The following ABLIM1 variants were observed in gnomAD, a reference collection of about 807,000 sequenced individuals.
ABLIM1 encodes the protein actin binding LIM protein 1.
ABLIM1 carries 40 observed loss-of-function variants against 107.0 expected under a neutral mutation model. The ratio of observed to expected loss-of-function variants is 0.37; its 90% confidence interval spans 0.29 to 0.49. The LOEUF is 0.49. ABLIM1 is among the 20% of genes least tolerant of loss of function. The pLI, the probability that ABLIM1 is intolerant of heterozygous loss-of-function variation, is 0.97. For synonymous variants in ABLIM1, 357 were observed against 357.3 expected (o/e 1.00, Z 0.01); for missense variants, 857 against 1,008.5 (o/e 0.85, Z 2.04).
chr10:114,644,306 A>ATATATATAT (rs1555214864), intron 1 of ABLIM1, among the ~76,000 whole-genome samples: 14 of 52,248 alleles, frequency 2.7e-4, no homozygotes, highest in South Asian at 9.7e-4. Flanking sequence ...AAAAAAAAAA[A>ATATATATAT]ATATATATAT....
chr10:114,661,265 A>G (rs1003669052), upstream of ABLIM1, among the ~76,000 whole-genome samples: 1 of 152,216 alleles, frequency 6.6e-6, no homozygotes, highest in African/African-American at 2.4e-5. Flanking sequence ...ACCGAACTAC[A>G]TATAAATGTG....
At chr10:114,548,603 A>G (rs75618074) in intron 4 of ABLIM1, among the ~76,000 whole-genome samples, 3 of 152,224 alleles carry the variant, frequency 2.0e-5, no homozygotes. Flanking sequence ...GACTAGAAAC[A>G]TTTGCTGTTA....
chr10:114,608,892 G>A (rs1360174929), intron 1 of ABLIM1, among the ~76,000 whole-genome samples: 4 of 151,438 alleles, frequency 2.6e-5, no homozygotes, highest in Non-Finnish European at 5.9e-5. Flanking sequence ...GCAGGTGCCT[G>A]TTATCCCAGC....
At chr10:114,447,412 A>G (rs2061177450) in intron 15 of ABLIM1, among the ~76,000 whole-genome samples, 1 of 152,256 alleles carries the variant, frequency 6.6e-6, no homozygotes, top group Admixed American at 6.5e-5. Context: ...AAAGTGCTTC[A>G]GTGTTAAGAT....
chr10:114,712,353 G>GAAAAAAA (rs10583793), intron 1 of ABLIM1, among the ~76,000 whole-genome samples: 8 of 44,096 alleles, frequency 1.8e-4, no homozygotes, highest in South Asian at 2.2e-3. Context: ...ACTCCGTCTC[G>GAAAAAAA]AAAAAAAAAA....
At chr10:114,596,794 C>T (rs1053631565) in intron 2 of ABLIM1, among the ~76,000 whole-genome samples, 2 of 151,932 alleles carry the variant, frequency 1.3e-5, no homozygotes, top group Non-Finnish European at 2.9e-5. Context: ...TTTTCAAAAC[C>T]TATTTTTAGC....
chr10:114,664,060 T>A (rs1266314266), intron 1 of ABLIM1, among the ~76,000 whole-genome samples: 1 of 152,234 alleles, frequency 6.6e-6, no homozygotes, highest in African/African-American at 2.4e-5. Flanking sequence ...ATACCCCAGA[T>A]AATCTATTTT....
At chr10:114,783,458 T>C in the ABLIM1 span, among the ~76,000 whole-genome samples, 1 of 152,066 alleles carries the variant, frequency 6.6e-6, no homozygotes, top group Non-Finnish European at 1.5e-5. Flanking sequence ...AGGTCTGGGC[T>C]ACAGATACAA....
In ABLIM1 at chr10:114,432,144, A is replaced by T. The variant is rs1380508348; in HGVS notation, c.*4116T>A. The T allele has an allele frequency of 1.3e-5, 2 of 152,214 alleles. No individual in the cohort carries two copies. Among genetic ancestry groups the T allele is most frequent in the Non-Finnish European group, 2.9e-5 (2 of 68,034 alleles). 9.4% of individuals were successfully genotyped at this position (152,214 alleles called of 1,614,324 possible). Reference sequence around the variant, plus strand: ...GAAAGTTATTCAAAAGGGAGCACAAAAGAGCAAGCTTTGGGGCATACTGAC... The same window carrying T: ...GAAAGTTATTCAAAAGGGAGCACAATAGAGCAAGCTTTGGGGCATACTGAC... On this transcript the variant is annotated 3_prime_UTR_variant, in exon 23 of 23. Transcript: ENST00000533213.
chr10:114,519,548 CACAG>C (rs1411560300), intron 6 of ABLIM1, among the ~76,000 whole-genome samples: 5 of 152,302 alleles, frequency 3.3e-5, no homozygotes, highest in Admixed American at 6.5e-5. Context: ...ATCCTCATCA[CACAG>C]ACAGTTAAAT....
rs183857527 is a variant in ABLIM1, at chr10:114,651,708, C to T, written c.244+6249G>A. On this transcript the variant is annotated intron_variant, in intron 1 of 22. Coordinates refer to ENST00000533213, the MANE Select transcript of ABLIM1 (RefSeq NM_002313.7). ...TAAATAAAAAAAAAATGCAAACTAT[C>T]TAATGCTTTCCCAAATAGCTGAAAC... 4.9e-4 allele frequency among the ~76,000 whole-genome samples: 75 copies of T among 152,300 alleles called. 1 individual carries two copies. In the East Asian group the frequency reaches 0.012, roughly 25 times the overall value.
At chr10:114,788,037 C>A in the ABLIM1 span, among the ~76,000 whole-genome samples, 3 of 148,724 alleles carry the variant, frequency 2.0e-5, no homozygotes, top group Admixed American at 2.0e-4. Flanking sequence ...TACCCCCAAC[C>A]CTGTGCTCTC....
At chr10:114,460,648 G>T (rs2063698957) in intron 12 of ABLIM1, among the ~76,000 whole-genome samples, 1 of 152,196 alleles carries the variant, frequency 6.6e-6, no homozygotes, top group Admixed American at 6.5e-5. Flanking sequence ...TGACCAAGGT[G>T]GGTGTGCCCC....
At chr10:114,779,092 C>T in the ABLIM1 span, 1 of 152,124 alleles carries the variant, frequency 6.6e-6, no homozygotes, top group African/African-American at 2.4e-5. Context: ...TGAGGTCTCA[C>T]TAGTGCCAGA....
chr10:114,443,100 C>A (rs1332097166), intron 17 of ABLIM1, among the ~76,000 whole-genome samples: 2 of 151,994 alleles, frequency 1.3e-5, no homozygotes, highest in Non-Finnish European at 1.5e-5. Context: ...GGTCTCCCCA[C>A]TAAATGCATT....
At chr10:114,781,932 C>T in the ABLIM1 span, among the ~76,000 whole-genome samples, 21 of 151,892 alleles carry the variant, frequency 1.4e-4, no homozygotes, top group Non-Finnish European at 2.2e-4. Context: ...TATTAGTGCT[C>T]TTGTCTTTTA....
At chr10:114,701,551 T>C (rs2081308082) in intron 1 of ABLIM1, among the ~76,000 whole-genome samples, 1 of 152,178 alleles carries the variant, frequency 6.6e-6, no homozygotes. Flanking sequence ...CAAATTGTGA[T>C]ATACCTATAT....
chr10:114,665,243 G>A (rs1489653815), intron 1 of ABLIM1, among the ~76,000 whole-genome samples: 1 of 152,206 alleles, frequency 6.6e-6, no homozygotes, highest in Admixed American at 6.5e-5. Flanking sequence ...AGTCCACAAG[G>A]GGTGTGTCAA....
rs2078050216 is a variant in ABLIM1 at position 114,629,779 on chromosome 10, T to C, written c.245-27818A>G. On this transcript the variant is annotated intron_variant, in intron 1 of 22. Coordinates refer to ENST00000533213, the MANE Select transcript of ABLIM1 (RefSeq NM_002313.7). The surrounding 1 kb of genome is among the most constrained non-coding windows in gnomAD (Gnocchi z 4.0). The stretch of plus-strand genomic sequence containing the variant: ...AAACGATCCCCAGTGCCCTTCTCAC[T>C]TTAAGGGCTATGAAGAAGTTCCCTT... Among the ~76,000 whole-genome samples, 1 of 152,198 alleles carries C rather than the reference T, an allele frequency of 6.6e-6. No individual in the cohort carries two copies. The highest frequency in any genetic ancestry group is 1.5e-5 in the Non-Finnish European group (1 of 68,040).
Sources: gnomAD v4.1 joint callset for allele counts (sites outside exome capture counted in the v4.1 genomes callset) on GRCh38, gnomAD v4.1.1 for gene constraint, Gnocchi (gnomAD v3.1) non-coding constraint, MANE v1.5 for transcripts, NCBI Gene and HGNC (gene_info 2026-07-23, HGNC 2026-07-21) for gene names.